Variants in DENND1B observed in about 807,000 individuals in gnomAD.
DENND1B encodes DENN domain containing 1B.
A neutral mutation model predicts 90.1 loss-of-function variants in DENND1B; 59 were observed. The observed-to-expected ratio is 0.65, with a 90% CI of 0.53 to 0.81. DENND1B has a LOEUF of 0.81. Ranked by LOEUF, DENND1B falls within the 40% of genes least tolerant of loss-of-function variation. The pLI is 0.00. For synonymous variants in DENND1B, 337 were observed against 324.6 expected (o/e 1.04, Z -0.41); for missense variants, 862 against 912.6 (o/e 0.94, Z 0.71).
upstream of DENND1B, among the ~76,000 whole-genome samples, chr1:197,778,696 AAGAG>A (rs1392481355): frequency 6.6e-6 from 1 of 152,038 alleles, no homozygotes; most frequent in Non-Finnish European, 1.5e-5. Context: ...AAAAAAAAAA[AAGAG>A]AGAAAAATGC....
chr1:197,685,185 T>G (rs1657108199), intron 3 of DENND1B, among the ~76,000 whole-genome samples: 1 of 152,024 alleles, frequency 6.6e-6, no homozygotes, highest in African/African-American at 2.4e-5. Flanking sequence ...AAGAGTCATA[T>G]CAGAACAAAT....
chr1:197,629,052 A>G (rs1179361415), intron 10 of DENND1B, among the ~76,000 whole-genome samples: 2 of 152,166 alleles, frequency 1.3e-5, no homozygotes, highest in Admixed American at 1.3e-4. Flanking sequence ...GATGTGGAGA[A>G]ATAGGTACAC....
At chr1:197,626,162 C>T (rs1429458364) in intron 10 of DENND1B, among the ~76,000 whole-genome samples, 2 of 151,972 alleles carry the variant, frequency 1.3e-5, no homozygotes, top group East Asian at 3.9e-4. Context: ...CAGCTCTGCA[C>T]CAAGCAGACC....
intron 3 of DENND1B, among the ~76,000 whole-genome samples, chr1:197,686,863 C>T (rs1311490733): frequency 6.6e-6 from 1 of 152,102 alleles, no homozygotes; most frequent in African/African-American, 2.4e-5. Flanking sequence ...CACTGCTATA[C>T]ACAACTGATA....
chr1:197,629,469 T>A (rs1456076157), intron 10 of DENND1B, among the ~76,000 whole-genome samples: 5 of 140,578 alleles, frequency 3.6e-5, no homozygotes, highest in Non-Finnish European at 7.5e-5. Context: ...TAGGTGGGAA[T>A]TGAACAATGA....
At chr1:197,755,834 T>C (rs1026363540) in intron 2 of DENND1B, among the ~76,000 whole-genome samples, 1 of 152,134 alleles carries the variant, frequency 6.6e-6, no homozygotes, top group African/African-American at 2.4e-5. Flanking sequence ...CATCAGATCC[T>C]GTGAGACCCA....
chr1:197,536,493 A>G (rs928787065), intron 20 of DENND1B, among the ~76,000 whole-genome samples: 1 of 152,170 alleles, frequency 6.6e-6, no homozygotes, highest in African/African-American at 2.4e-5. Flanking sequence ...TAACAACCCA[A>G]CATCAATTCA....
At chr1:197,747,865 C>A (rs1271141733) in intron 2 of DENND1B, among the ~76,000 whole-genome samples, 1 of 152,200 alleles carries the variant, frequency 6.6e-6, no homozygotes, top group Non-Finnish European at 1.5e-5. Context: ...AAAACTGACA[C>A]AAATTATTGA....
chr1:197,557,209 T>C (rs1671790004), intron 15 of DENND1B, among the ~76,000 whole-genome samples: 1 of 152,006 alleles, frequency 6.6e-6, no homozygotes, highest in Admixed American at 6.6e-5. Flanking sequence ...TGATCTCATT[T>C]GATGGACTAG....
intron 15 of DENND1B, among the ~76,000 whole-genome samples, chr1:197,579,644 CTA>C (rs1472096920): frequency 6.6e-6 from 1 of 152,158 alleles, no homozygotes; most frequent in Non-Finnish European, 1.5e-5. Context: ...TTAGAACTGA[CTA>C]TATGAATTTA....
intron 2 of DENND1B, chr1:197,735,138 G>A: frequency 1.0e-6 from 1 of 968,396 alleles, no homozygotes; most frequent in African/African-American, 1.8e-5. Context: ...TATTATATAT[G>A]AATAATACAA....
At chr1:197,592,772 A>C (rs1012985704) in intron 14 of DENND1B, among the ~76,000 whole-genome samples, 1 of 152,168 alleles carries the variant, frequency 6.6e-6, no homozygotes, top group African/African-American at 2.4e-5. Context: ...CCTGAGACTG[A>C]TCTGTCATTG....
At chr1:197,617,339 C>G (rs1186119893) in intron 11 of DENND1B, among the ~76,000 whole-genome samples, 1 of 151,098 alleles carries the variant, frequency 6.6e-6, no homozygotes, top group Non-Finnish European at 1.5e-5. Context: ...ACTGGGTTCT[C>G]TAACTGACAC....
intron 6 of DENND1B, among the ~76,000 whole-genome samples, chr1:197,655,675 G>C (rs576496875): frequency 6.6e-6 from 1 of 152,206 alleles, no homozygotes. Flanking sequence ...GGGACTACAG[G>C]CGCCCGCCAC....
At chr1:197,513,171 T>A (rs75145829) in intron 20 of DENND1B, among the ~76,000 whole-genome samples, 2 of 146,990 alleles carry the variant, frequency 1.4e-5, no homozygotes, top group African/African-American at 5.0e-5. Context: ...CTCAAACCAA[T>A]AAAAAAAAAA....
chr1:197,568,346 G>T (rs1343526918), intron 15 of DENND1B, among the ~76,000 whole-genome samples: 1 of 152,020 alleles, frequency 6.6e-6, no homozygotes, highest in East Asian at 1.9e-4. Context: ...AACTGAAAAT[G>T]ACAAAATATA....
rs368753746 is a variant in DENND1B at position 197,551,113 on chromosome 1, C to CACACACACA, written c.1240+1908_1240+1909insTGTGTGTGT. On this transcript the variant is annotated intron_variant, in intron 16 of 22. Transcript: ENST00000620048. Reference sequence around the variant, plus strand: ...CACACACACACACACACACACACACCCCCTAGATAGATGGATATCTTCTAA... The same window carrying CACACACACA: ...CACACACACACACACACACACACACCACACACACACCCTAGATAGATGGATATCTTCTAA... Among the ~76,000 whole-genome samples the CACACACACA allele has an allele frequency of 1.2e-4, 6 of 49,312 alleles. No homozygotes were observed. The East Asian group carries it at 2.2e-3, about 18-fold the overall frequency. The allele number at this position is 49,312 out of a possible 152,430, so 32.4% of individuals were successfully genotyped here.
chr1:197,782,023 T>G, the DENND1B span, among the ~76,000 whole-genome samples: 1 of 152,148 alleles, frequency 6.6e-6, no homozygotes, highest in East Asian at 1.9e-4. Context: ...TCCCTTATCT[T>G]TGTTCCTCAA....
rs558802204 is a variant in DENND1B, at chr1:197,770,095, T to C, written c.82+2773A>G. Among the ~76,000 whole-genome samples, 7 of 152,288 alleles carry C rather than the reference T, an allele frequency of 4.6e-5. No individual in the cohort carries two copies. In the South Asian group the frequency reaches 1.0e-3, roughly 23 times the overall value. On this transcript the variant is annotated intron_variant, in intron 2 of 22. Coordinates refer to ENST00000620048, the MANE Select transcript of DENND1B (RefSeq NM_001195215.2). ...AAAATATTAGCCATATTCATACTAT[T>C]TAAGTCATAATAAAAGAAGAAAGGT...
Sources: allele counts gnomAD v4.1 joint callset (sites outside exome capture counted in the v4.1 genomes callset), GRCh38; gene constraint gnomAD v4.1.1; transcripts MANE v1.5; gene names NCBI Gene and HGNC (gene_info 2026-07-23, HGNC 2026-07-21).